AGAP1: variants seen among roughly 807,000 people sequenced by gnomAD.
AGAP1 encodes the protein ArfGAP with GTPase domain, ankyrin repeat and PH domain 1.
Under a neutral mutation model 105.3 loss-of-function variants are expected in AGAP1, and 29 were observed. That is an observed-to-expected ratio of 0.28 (90% CI 0.21 to 0.38). AGAP1 has a LOEUF of 0.38. Ranked by LOEUF, AGAP1 falls within the 10% of genes least tolerant of loss-of-function variation. The pLI is 1.00. For synonymous variants in AGAP1, 509 were observed against 485.9 expected (o/e 1.05, Z -0.63); for missense variants, 998 against 1,165.1 (o/e 0.86, Z 2.09).
intron 1 of AGAP1, among the ~76,000 whole-genome samples, chr2:235,498,025 G>A (rs1476078827): frequency 3.4e-5 from 5 of 149,046 alleles, no homozygotes. Flanking sequence ...TTTTGCTGTT[G>A]GAGTGAGGTG....
At chr2:236,028,995 T>C (rs2057139235) in intron 13 of AGAP1, among the ~76,000 whole-genome samples, 1 of 152,178 alleles carries the variant, frequency 6.6e-6, no homozygotes, top group African/African-American at 2.4e-5. Context: ...TGCAGAGGTT[T>C]ACCACATGGA....
At chr2:236,026,368 C>T (rs1298238505) in intron 13 of AGAP1, among the ~76,000 whole-genome samples, 1 of 152,200 alleles carries the variant, frequency 6.6e-6, no homozygotes, top group Non-Finnish European at 1.5e-5. Flanking sequence ...GGACCACCAC[C>T]TCTGTGTACC....
chr2:235,604,786 G>A (rs1175488642), intron 1 of AGAP1, among the ~76,000 whole-genome samples: 3 of 151,714 alleles, frequency 2.0e-5, no homozygotes, highest in Non-Finnish European at 4.4e-5. Context: ...GTTTCACCAT[G>A]TTAGCCAGGA....
intron 9 of AGAP1, among the ~76,000 whole-genome samples, chr2:235,831,927 C>T (rs1289777293): frequency 2.0e-5 from 3 of 152,174 alleles, no homozygotes; most frequent in East Asian, 1.9e-4. Flanking sequence ...TTATTTCCAC[C>T]AGCAATGGAT....
At chr2:236,026,590 G>T (rs977458701) in intron 13 of AGAP1, among the ~76,000 whole-genome samples, 1 of 152,212 alleles carries the variant, frequency 6.6e-6, no homozygotes, top group East Asian at 1.9e-4. Flanking sequence ...TTAGCTGGGC[G>T]TGGTGGCAGG....
chr2:235,618,428 C>T, intron 1 of AGAP1, among the ~76,000 whole-genome samples: 1 of 152,086 alleles, frequency 6.6e-6, no homozygotes, highest in East Asian at 1.9e-4. Flanking sequence ...CCTATCTGTC[C>T]AGTTTAATTG....
In AGAP1 at chr2:235,744,610, C is replaced by T; in HGVS notation, c.397-88C>T. On this transcript the variant is annotated intron_variant, in intron 4 of 17. Coordinates refer to ENST00000304032, the MANE Select transcript of AGAP1 (RefSeq NM_001037131.3). The surrounding 1 kb of genome is among the most constrained non-coding windows in gnomAD (Gnocchi z 5.2). ...GTGACCGAGGGGATTCCTGCAGCCC[C>T]CTGCTGCCTGCCGCCATGCAGACAT... 1.3e-6 allele frequency: 2 copies of T among 1,534,264 alleles called. No individual in the cohort carries two copies. Among genetic ancestry groups the T allele is most frequent in the Non-Finnish European group, 1.8e-6 (2 of 1,117,754 alleles).
At chr2:235,935,525 T>C (rs937507046) in intron 12 of AGAP1, among the ~76,000 whole-genome samples, 1 of 151,292 alleles carries the variant, frequency 6.6e-6, no homozygotes, top group East Asian at 2.0e-4. Context: ...GTAGATTCTT[T>C]ATGGACCCAG....
chr2:235,853,158 G>A lies in AGAP1; in HGVS notation c.1051-30187G>A, dbSNP rs2048550871. 5 of 1,134,312 alleles carry A rather than the reference G, an allele frequency of 4.4e-6. No homozygotes were observed. The South Asian group carries it at 1.8e-4, about 40-fold the overall frequency. The allele number at this position is 1,134,312 out of a possible 1,614,324, so 70.3% of individuals were successfully genotyped here. ...TTTACTGGCGCTTTGCATGTTTTGG[G>A]TACAAGCAGTGGTAGAAACATAAAA... is the stretch of plus-strand genomic sequence containing the variant. On this transcript the variant is annotated intron_variant, in intron 9 of 17. Transcript: ENST00000304032.
At chr2:235,717,470 C>A in intron 2 of AGAP1, 87 bp from the exon 3 acceptor site, 1 of 1,117,390 alleles carries the variant, frequency 8.9e-7, no homozygotes, top group Admixed American at 2.8e-5. Flanking sequence ...GTGTTTAGGC[C>A]TCCTGTCTAT....
At position 236,056,508 on chromosome 2, in the gene AGAP1, T is replaced by G. The variant is rs529249543; in HGVS notation, c.2114+7227T>G. Among the ~76,000 whole-genome samples the G allele has an allele frequency of 5.3e-5, 8 of 152,298 alleles. No individual in the cohort carries two copies. The East Asian group carries it at 1.5e-3, about 29-fold the overall frequency. On this transcript the variant is annotated intron_variant, in intron 16 of 17. Transcript: ENST00000304032. This position sits in a 1 kb window ranked among gnomAD's most constrained non-coding sequence, Gnocchi z 4.6. ...CCACGTTCAAGCCTGTGTCTACTTG[T>G]GGGAGTGTATGAAGGAATGGAATGG...
chr2:236,019,545 A>G (rs1247923988), intron 13 of AGAP1, among the ~76,000 whole-genome samples: 1 of 152,240 alleles, frequency 6.6e-6, no homozygotes, highest in African/African-American at 2.4e-5. Flanking sequence ...TTATAAAAGA[A>G]GAAACCGAGC....
intron 9 of AGAP1, among the ~76,000 whole-genome samples, chr2:235,822,174 G>A (rs1249608434): frequency 6.6e-6 from 1 of 152,226 alleles, no homozygotes; most frequent in Non-Finnish European, 1.5e-5. Flanking sequence ...ATCATTTTTA[G>A]TGATAGACGT....
intron 1 of AGAP1, among the ~76,000 whole-genome samples, chr2:235,641,313 T>TTCTCTTTCTCTTTCTC (rs112965681): frequency 3.2e-4 from 48 of 148,562 alleles, no homozygotes; most frequent in Non-Finnish European, 6.1e-4. Flanking sequence ...CTCTCTCTCT[T>TTCTCTTTCTCTTTCTC]TCTCTTTCTC....
At chr2:235,495,823 C>T (rs1183905197) in intron 1 of AGAP1, among the ~76,000 whole-genome samples, 3 of 152,254 alleles carry the variant, frequency 2.0e-5, no homozygotes, top group African/African-American at 7.2e-5. Context: ...CATATCTTAG[C>T]CACAGTTGAT....
rs1256170054 is a variant in AGAP1 at position 236,055,136 on chromosome 2, G to T, written c.2114+5855G>T. Among the ~76,000 whole-genome samples, 1 of 152,202 alleles carries T rather than the reference G, an allele frequency of 6.6e-6. No homozygotes were observed. Among genetic ancestry groups the T allele is most frequent in the East Asian group, 1.9e-4 (1 of 5,198 alleles). The stretch of plus-strand genomic sequence containing the variant: ...CAATTAAGTTCTCTGGGGCTTAATG[G>T]TATGAATAAACTCCTCTGATTCTAT... On this transcript the variant is annotated intron_variant, in intron 16 of 17. Coordinates refer to ENST00000304032, the MANE Select transcript of AGAP1 (RefSeq NM_001037131.3). The surrounding 1 kb of genome is among the most constrained non-coding windows in gnomAD (Gnocchi z 6.2).
At chr2:235,499,906 C>T (rs1239782251) in intron 1 of AGAP1, among the ~76,000 whole-genome samples, 1 of 152,120 alleles carries the variant, frequency 6.6e-6, no homozygotes, top group Non-Finnish European at 1.5e-5. Flanking sequence ...GGCTGGCTGA[C>T]TTGCCAGAGG....
At position 235,610,478 on chromosome 2, in the gene AGAP1, C is replaced by A. The variant is rs1054481669; in HGVS notation, c.164-98701C>A. The stretch of plus-strand genomic sequence containing the variant: ...TTCTAGATGTCTGCCTTCTTGCTAT[C>A]CTCACGTGGTGCAGAGCATGCCAGC... On this transcript the variant is annotated intron_variant, in intron 1 of 17. Transcript: ENST00000304032. The surrounding 1 kb of genome is among the most constrained non-coding windows in gnomAD (Gnocchi z 4.9). Among the ~76,000 whole-genome samples the A allele has an allele frequency of 6.6e-6, 1 of 152,122 alleles. No homozygotes were observed. Among genetic ancestry groups the A allele is most frequent in the African/African-American group, 2.4e-5 (1 of 41,406 alleles).
At chr2:235,543,925 G>A (rs1943538433) in intron 1 of AGAP1, among the ~76,000 whole-genome samples, 1 of 152,130 alleles carries the variant, frequency 6.6e-6, no homozygotes, top group South Asian at 2.1e-4. Flanking sequence ...ATCTGGTCAA[G>A]GGCTTGCGGC....
Sources: allele counts gnomAD v4.1 joint callset (sites outside exome capture counted in the v4.1 genomes callset), GRCh38; gene constraint gnomAD v4.1.1; non-coding constraint Gnocchi (gnomAD v3.1); transcripts MANE v1.5; gene names NCBI Gene and HGNC (gene_info 2026-07-23, HGNC 2026-07-21).